Variants in PRIM2 observed in about 807,000 individuals in gnomAD.
PRIM2 encodes the protein DNA primase subunit 2.
PRIM2 carries 39 observed loss-of-function variants against 67.3 expected under a neutral mutation model. That is an observed-to-expected ratio of 0.58 (90% CI 0.45 to 0.76). The LOEUF is 0.76. PRIM2 is among the 30% of genes least tolerant of loss of function. The probability of loss-of-function intolerance (pLI) is 0.00; values close to 1 mark genes in which losing one functional copy is unlikely to be tolerated. For missense variants in PRIM2, 398 were observed against 598.7 expected, an observed-to-expected ratio of 0.66 and a Z score of 3.50; for synonymous variants, 143 against 198.7, an observed-to-expected ratio of 0.72 and a Z score of 2.36.
chr6:57,418,652 G>A (rs13207641), intron 7 of PRIM2, among the ~76,000 whole-genome samples: 1 of 151,610 alleles, frequency 6.6e-6, no homozygotes, highest in Non-Finnish European at 1.5e-5. Flanking sequence ...CACCCGCCTC[G>A]GCCTCCCAAA....
chr6:57,415,993 C>T (rs535058101), intron 7 of PRIM2, among the ~76,000 whole-genome samples: 5 of 152,118 alleles, frequency 3.3e-5, no homozygotes, highest in Admixed American at 6.5e-5. Context: ...TTCTGTATCC[C>T]TGTTAATGTT....
At chr6:57,641,799 T>C (rs1316396090) in intron 13 of PRIM2, among the ~76,000 whole-genome samples, 2 of 152,178 alleles carry the variant, frequency 1.3e-5, no homozygotes, top group East Asian at 1.9e-4. Flanking sequence ...GTAAATTAGT[T>C]CAACCATTGT....
the PRIM2 span, among the ~76,000 whole-genome samples, chr6:57,242,997 A>G: frequency 2.0e-5 from 3 of 152,210 alleles, no homozygotes; most frequent in Non-Finnish European, 4.4e-5. Flanking sequence ...CTCCAATTCG[A>G]TATCAACTAT....
the PRIM2 span, among the ~76,000 whole-genome samples, chr6:57,275,781 C>G: frequency 6.6e-6 from 1 of 152,166 alleles, no homozygotes; most frequent in Non-Finnish European, 1.5e-5. Flanking sequence ...TTGGAGTCCT[C>G]ATGAAAAAGT....
intron 10 of PRIM2, among the ~76,000 whole-genome samples, chr6:57,577,142 T>C (rs1775978090): frequency 6.6e-6 from 1 of 152,238 alleles, no homozygotes; most frequent in Non-Finnish European, 1.5e-5. Flanking sequence ...GCTGCCACTT[T>C]AAAATTTTAC....
chr6:57,449,701 A>G (rs1772476603), intron 7 of PRIM2, among the ~76,000 whole-genome samples: 1 of 152,194 alleles, frequency 6.6e-6, no homozygotes. Flanking sequence ...AAGGAGTACT[A>G]TAGATTAAAT....
At chr6:57,303,568 G>T in the PRIM2 span, among the ~76,000 whole-genome samples, 1 of 152,030 alleles carries the variant, frequency 6.6e-6, no homozygotes, top group African/African-American at 2.4e-5. Context: ...TAAAGCACTG[G>T]CTGGATAACC....
the PRIM2 span, among the ~76,000 whole-genome samples, chr6:57,267,727 T>C: frequency 6.7e-6 from 1 of 150,238 alleles, no homozygotes; most frequent in Non-Finnish European, 1.5e-5. Flanking sequence ...TGGGCAACAT[T>C]GCGACACCCC....
chr6:57,416,066 A>C (rs1360198657), intron 7 of PRIM2, among the ~76,000 whole-genome samples: 3 of 152,208 alleles, frequency 2.0e-5, no homozygotes, highest in African/African-American at 4.8e-5. Context: ...GAATCGTTTC[A>C]GAAGGTTTTC....
chr6:57,475,887 T>C lies in PRIM2; in HGVS notation c.694-31500T>C, dbSNP rs1199044155. On this transcript the variant is annotated intron_variant, in intron 7 of 13. Coordinates refer to ENST00000615550, the MANE Select transcript of PRIM2 (RefSeq NM_000947.5). ...TTAGGATCCTCTAGGGATGTTGAAA[T>C]ATGAAGCAATCTGTGTCTGTGCCCT... Among the ~76,000 whole-genome samples the C allele has an allele frequency of 5.2e-4, 79 of 152,280 alleles. 1 individual carries two copies. The East Asian group carries it at 0.013, about 25-fold the overall frequency.
the PRIM2 span, among the ~76,000 whole-genome samples, chr6:57,294,842 C>T: frequency 9.9e-5 from 15 of 151,084 alleles, no homozygotes; most frequent in East Asian, 2.7e-3. Flanking sequence ...CACAGTCTCA[C>T]TCTGTCACCC....
chr6:57,244,558 C>G, the PRIM2 span, among the ~76,000 whole-genome samples: 1 of 151,928 alleles, frequency 6.6e-6, no homozygotes, highest in Non-Finnish European at 1.5e-5. Context: ...GTCGGGAGTT[C>G]GAGACCAGTC....
chr6:57,404,612 G>A (rs2013266), intron 7 of PRIM2, among the ~76,000 whole-genome samples: 3 of 152,204 alleles, frequency 2.0e-5, no homozygotes, highest in Admixed American at 6.5e-5. Context: ...TTATGAACTC[G>A]GAAAACTCCT....
chr6:57,411,304 G>A (rs1192889065), intron 7 of PRIM2, among the ~76,000 whole-genome samples: 2 of 152,148 alleles, frequency 1.3e-5, no homozygotes, highest in Admixed American at 6.5e-5. Flanking sequence ...AAATTACCCA[G>A]TCTTGCCTAG....
At position 57,646,687 on chromosome 6, in the gene PRIM2, AT is replaced by A. The variant is rs1327112911; in HGVS notation, c.*530del. The A allele has an allele frequency of 1.3e-5, 2 of 152,400 alleles. No individual in the cohort carries two copies. Among genetic ancestry groups the A allele is most frequent in the African/African-American group, 4.8e-5 (2 of 41,466 alleles). 9.4% of individuals were successfully genotyped at this position (152,400 alleles called of 1,614,324 possible). A position where few individuals can be genotyped will look rare whatever the true frequency, so the allele number is the denominator to read the frequency against. On this transcript the variant is annotated 3_prime_UTR_variant, in exon 14 of 14. Transcript: ENST00000615550. ...TCTATTAAAATCTGTCACTTGAGTG[AT>A]GTCATTTAAGTCCTATTTTAGGAGA...
chr6:57,269,396 AT>A, the PRIM2 span, among the ~76,000 whole-genome samples: 23 of 151,694 alleles, frequency 1.5e-4, no homozygotes, highest in East Asian at 4.3e-3. Flanking sequence ...GATGATGAGC[AT>A]TTTTTCATGT....
In PRIM2 at chr6:57,571,072, G is replaced by T. The variant is rs1364487834; in HGVS notation, c.1021-30021G>T. The stretch of plus-strand genomic sequence containing the variant: ...GTTCCTCTAGTTCCCTCATATTGAG[G>T]TATCTAAAACCCAAATAAAAAATAC... On this transcript the variant is annotated intron_variant, in intron 10 of 13. Coordinates refer to ENST00000615550, the MANE Select transcript of PRIM2 (RefSeq NM_000947.5). 2.8e-4 allele frequency among the ~76,000 whole-genome samples: 43 copies of T among 151,960 alleles called. 1 individual carries two copies. In the East Asian group the frequency reaches 6.8e-3, roughly 24 times the overall value.
chr6:57,308,896 T>C, the PRIM2 span, among the ~76,000 whole-genome samples: 1 of 152,100 alleles, frequency 6.6e-6, no homozygotes, highest in Middle Eastern at 3.4e-3. Context: ...TACTTTAAGT[T>C]CTGAGATACA....
chr6:57,327,163 A>G (rs960810145), intron 5 of PRIM2, among the ~76,000 whole-genome samples: 3 of 152,024 alleles, frequency 2.0e-5, no homozygotes, highest in African/African-American at 7.2e-5. Flanking sequence ...CGGCCTCCCA[A>G]AGTGCTGGGA....
Sources: allele counts gnomAD v4.1 joint callset (sites outside exome capture counted in the v4.1 genomes callset), GRCh38; gene constraint gnomAD v4.1.1; transcripts MANE v1.5; gene names NCBI Gene and HGNC (gene_info 2026-07-23, HGNC 2026-07-21).